Variants in CADPS2 observed in about 807,000 individuals in gnomAD.
The protein encoded by CADPS2 is calcium dependent secretion activator 2, also known as calcium-dependent secretion activator 2.
In CADPS2, 93 loss-of-function variants were observed where a neutral mutation model predicts 172.5. The observed-to-expected ratio is 0.54, with a 90% CI of 0.46 to 0.64. The LOEUF is 0.64. CADPS2 is among the 30% of genes least tolerant of loss of function. The pLI is 0.00. For synonymous variants in CADPS2, 546 were observed against 555.2 expected (o/e 0.98, Z 0.23); for missense variants, 1,420 against 1,565.9 (o/e 0.91, Z 1.57).
intron 1 of CADPS2, among the ~76,000 whole-genome samples, chr7:122,744,967 TTTC>T (rs1266148095): frequency 4.3e-4 from 48 of 111,118 alleles, no homozygotes; most frequent in African/African-American, 2.5e-3. Context: ...ACATCTCATT[TTTC>T]TTTTTTTTTT....
chr7:122,412,287 G>T (rs2047403597), intron 19 of CADPS2, among the ~76,000 whole-genome samples: 1 of 152,196 alleles, frequency 6.6e-6, no homozygotes, highest in South Asian at 2.1e-4. Context: ...TTGGTCGACA[G>T]GAAATCGATT....
chr7:122,403,079 T>C (rs771328326), intron 20 of CADPS2, among the ~76,000 whole-genome samples: 30 of 152,328 alleles, frequency 2.0e-4, no homozygotes, highest in Non-Finnish European at 3.8e-4. Flanking sequence ...AACATTTGAA[T>C]TGAATTCACT....
At chr7:122,579,296 A>G (rs1212835958) in intron 7 of CADPS2, among the ~76,000 whole-genome samples, 1 of 151,810 alleles carries the variant, frequency 6.6e-6, no homozygotes, top group East Asian at 1.9e-4. Context: ...ATATCATAAA[A>G]TATACAAAAA....
intron 8 of CADPS2, among the ~76,000 whole-genome samples, chr7:122,534,302 G>C (rs1352224126): frequency 1.3e-5 from 2 of 151,838 alleles, no homozygotes; most frequent in African/African-American, 4.8e-5. Context: ...GAACTGATAT[G>C]ATCAGTTCAA....
intron 6 of CADPS2, among the ~76,000 whole-genome samples, chr7:122,605,960 T>C (rs192720372): frequency 2.0e-5 from 3 of 152,274 alleles, no homozygotes; most frequent in East Asian, 3.9e-4. Flanking sequence ...TGTCCATCAA[T>C]TTAATTCCTG....
intron 2 of CADPS2, among the ~76,000 whole-genome samples, chr7:122,690,643 A>G (rs1296809391): frequency 1.3e-5 from 2 of 152,178 alleles, no homozygotes; most frequent in African/African-American, 2.4e-5. Context: ...CCTTCCTCTC[A>G]TGGATCCGGC....
intron 2 of CADPS2, among the ~76,000 whole-genome samples, chr7:122,700,205 A>G (rs2085810275): frequency 6.6e-6 from 1 of 152,166 alleles, no homozygotes; most frequent in African/African-American, 2.4e-5. Flanking sequence ...GACCTTGAAC[A>G]TGAATGTCTC....
At chr7:122,813,986 C>T (rs1010272012) in intron 1 of CADPS2, among the ~76,000 whole-genome samples, 2 of 151,816 alleles carry the variant, frequency 1.3e-5, no homozygotes, top group South Asian at 2.1e-4. Context: ...AAAATTACTT[C>T]GTCAATGTGT....
intron 2 of CADPS2, among the ~76,000 whole-genome samples, chr7:122,678,014 T>C (rs566124558): frequency 2.0e-4 from 31 of 152,342 alleles, no homozygotes; most frequent in Non-Finnish European, 3.8e-4. Context: ...TATGTCTCTC[T>C]TGTTAAGACT....
intron 2 of CADPS2, among the ~76,000 whole-genome samples, chr7:122,735,034 G>A (rs997568827): frequency 6.6e-6 from 1 of 152,058 alleles, no homozygotes; most frequent in Non-Finnish European, 1.5e-5. Flanking sequence ...AATTCTAAGA[G>A]AATCATCTGG....
chr7:122,852,378 T>A (rs73718030), intron 1 of CADPS2, among the ~76,000 whole-genome samples: 2,474 of 152,288 alleles, frequency 0.016, 63 homozygotes, highest in African/African-American at 0.056. Context: ...GCAGCTTACA[T>A]TTATGTGTGT....
chr7:122,606,806 A>G (rs1437002279), intron 6 of CADPS2, among the ~76,000 whole-genome samples: 1 of 152,094 alleles, frequency 6.6e-6, no homozygotes, highest in African/African-American at 2.4e-5. Context: ...TATTTGAGCT[A>G]TCTGTTAAGG....
chr7:122,626,351 A>C (rs2134104449), intron 4 of CADPS2, among the ~76,000 whole-genome samples: 1 of 152,330 alleles, frequency 6.6e-6, no homozygotes, highest in East Asian at 1.9e-4. Context: ...AAGGATGGTA[A>C]CAACTGTCAC....
At chr7:122,406,571 A>G (rs568555042) in intron 20 of CADPS2, among the ~76,000 whole-genome samples, 99 of 152,288 alleles carry the variant, frequency 6.5e-4, no homozygotes, top group African/African-American at 2.4e-3. Flanking sequence ...CCAGAAGAAC[A>G]CTGAGAAATG....
At chr7:122,428,290 G>A (rs2049413609) in intron 17 of CADPS2, among the ~76,000 whole-genome samples, 2 of 152,018 alleles carry the variant, frequency 1.3e-5, no homozygotes, top group African/African-American at 4.8e-5. Flanking sequence ...CAAGGCTGTG[G>A]TTGCAAATCA....
chr7:122,560,095 G>T (rs1178090429), intron 7 of CADPS2, among the ~76,000 whole-genome samples: 2 of 152,162 alleles, frequency 1.3e-5, no homozygotes, highest in Non-Finnish European at 2.9e-5. Context: ...GATAGCAATG[G>T]TGTGAGGGAC....
chr7:122,366,940 C>G (rs1438956528), intron 25 of CADPS2: 4 of 152,030 alleles, frequency 2.6e-5, no homozygotes, highest in African/African-American at 7.2e-5. Context: ...AAACAGCACA[C>G]TTAGACCAGA....
At chr7:122,529,077 A>G (rs1311570713) in intron 8 of CADPS2, among the ~76,000 whole-genome samples, 3 of 152,118 alleles carry the variant, frequency 2.0e-5, no homozygotes, top group African/African-American at 4.8e-5. Context: ...GGACATATAC[A>G]TATTATTACT....
At chr7:122,466,080 G>A (rs1462445404) in intron 14 of CADPS2, among the ~76,000 whole-genome samples, 5 of 152,182 alleles carry the variant, frequency 3.3e-5, no homozygotes, top group African/African-American at 4.8e-5. Context: ...AACTATTGAC[G>A]AGAAGAAGGC....
Sources: allele counts gnomAD v4.1 joint callset (sites outside exome capture counted in the v4.1 genomes callset), GRCh38; gene constraint gnomAD v4.1.1; transcripts MANE v1.5; gene names NCBI Gene and HGNC (gene_info 2026-07-23, HGNC 2026-07-21).